The following MRPL49 variants were observed in gnomAD, a reference collection of about 807,000 sequenced individuals.
The protein encoded by MRPL49 is mitochondrial ribosomal protein L49.
A neutral mutation model predicts 18.4 loss-of-function variants in MRPL49; 14 were observed. The ratio of observed to expected loss-of-function variants is 0.76; its 90% CI spans 0.50 to 1.19. The LOEUF (loss-of-function observed/expected upper bound fraction) is 1.19, where lower values mean the gene tolerates loss of function less well. Among genes scored for constraint, MRPL49 ranks in the 50% most tolerant of loss-of-function variants. MRPL49 has a pLI of 0.00. For synonymous variants in MRPL49, 104 were observed against 86.2 expected (o/e 1.21, Z -1.14); for missense variants, 190 against 217.8 (o/e 0.87, Z 0.80).
At chr11:65,123,402 A>C (rs970904037) in intron 1 of MRPL49, among the ~76,000 whole-genome samples, 1 of 152,196 alleles carries the variant, frequency 6.6e-6, no homozygotes, top group Admixed American at 6.5e-5. Flanking sequence ...GGTATAGACT[A>C]TGTGCTTATC....
Position 65,126,470 on chromosome 11 carries a change from A to G in MRPL49, c.*598A>G, listed in dbSNP as rs757666700. The G allele has an allele frequency of 1.3e-5, 2 of 154,338 alleles. No homozygotes were observed. Among genetic ancestry groups the G allele is most frequent in the Admixed American group, 1.3e-4 (2 of 15,504 alleles). 9.6% of individuals were successfully genotyped at this position (154,338 alleles called of 1,614,324 possible). ...GTTTTGTTTTTCTTTCCTTGGGCTC[A>G]GCAATTCAAATTCTAGTTGTTATTT... On this transcript the variant is annotated 3_prime_UTR_variant, in exon 4 of 4. Transcript: ENST00000279242.
chr11:65,123,237 A>G (rs1026377067), intron 1 of MRPL49, among the ~76,000 whole-genome samples: 1 of 152,212 alleles, frequency 6.6e-6, no homozygotes, highest in African/African-American at 2.4e-5. Context: ...ACTCTTTTGC[A>G]TCCCACAGAA....
chr11:65,125,411 A>G, intron 2 of MRPL49, 77 bp from the exon 3 acceptor site: 1 of 1,590,090 alleles, frequency 6.3e-7, no homozygotes. Context: ...CCCTCTGCAG[A>G]CTGAGAGCAA....
intron 1 of MRPL49, among the ~76,000 whole-genome samples, chr11:65,123,665 C>T (rs926758290): frequency 6.8e-6 from 1 of 147,680 alleles, no homozygotes; most frequent in Admixed American, 6.7e-5. Context: ...ACTTGGGAGG[C>T]GGAGGTTGCA....
intron 1 of MRPL49, among the ~76,000 whole-genome samples, chr11:65,124,298 C>T (rs1426397944): frequency 1.3e-5 from 2 of 152,174 alleles, no homozygotes; most frequent in South Asian, 2.1e-4. Flanking sequence ...ACTCTCTCTT[C>T]GTGGCCCTCC....
Position 65,124,780 on chromosome 11 carries a change from T to A in MRPL49, c.229+128T>A, listed in dbSNP as rs1426320477. On this transcript the variant is annotated intron_variant, in intron 2 of 3. Transcript: ENST00000279242. ...GGACTCATTTTGCAATCCCTCTGGG[T>A]TACATCTGTCTCATGCCCAAGGAAG... 6 of 1,047,724 alleles carry A rather than the reference T, an allele frequency of 5.7e-6. No individual in the cohort carries two copies. In the African/African-American group the frequency reaches 8.0e-5, roughly 14 times the overall value. The allele number at this position is 1,047,724 out of a possible 1,614,324, so 64.9% of individuals were successfully genotyped here. A position where few individuals can be genotyped will look rare whatever the true frequency, so the allele number is the denominator to read the frequency against.
In MRPL49 at chr11:65,126,062, A is replaced by C. The variant is rs1436306218; in HGVS notation, c.*190A>C. 1.7e-6 allele frequency: 1 copy of C among 586,312 alleles called. No individual in the cohort carries two copies. The highest frequency in any genetic ancestry group is 2.9e-6 in the Non-Finnish European group (1 of 350,838). The allele number at this position is 586,312 out of a possible 1,614,324, so 36.3% of individuals were successfully genotyped here. A position where few individuals can be genotyped will look rare whatever the true frequency, so the allele number is the denominator to read the frequency against. The stretch of plus-strand genomic sequence containing the variant: ...ATGTACATGCTGGGGGAGAGTGCCT[A>C]ATGTGGGAGACCAAATAGGGATCAC... On this transcript the variant is annotated 3_prime_UTR_variant, in exon 4 of 4. Coordinates refer to ENST00000279242, the MANE Select transcript of MRPL49 (RefSeq NM_004927.4).
In MRPL49 at chr11:65,124,565, G is replaced by A. The variant is rs758485139; in HGVS notation, c.142G>A (p.Val48Met). 1.2e-5 allele frequency: 19 copies of A among 1,614,196 alleles called. No individual in the cohort carries two copies. Among genetic ancestry groups the A allele is most frequent in the Non-Finnish European group, 1.4e-5 (16 of 1,180,040 alleles). Residue 48 changes from valine (V) to methionine (M), a missense_variant, in exon 2 of 4, where the codon GTG (valine) becomes ATG (methionine). Physicochemically the swap from Val to Met is conservative, Grantham distance 21. Transcript: ENST00000279242. ...GGAGTCTGTGGATGAATATCAGTTT[G>A]TGGAGCGCCTGTTACCGGCTACCAG... is the stretch of plus-strand genomic sequence containing the variant. ...FVESVDEYQF[V>M]ERLLPATRIP...
At chr11:65,124,788 G>A in intron 2 of MRPL49, 136 bp downstream of exon 2, 2 of 944,594 alleles carry the variant, frequency 2.1e-6, no homozygotes, top group Admixed American at 3.1e-5. Context: ...GGTTACATCT[G>A]TCTCATGCCC....
At chr11:65,122,577 C>T in intron 1 of MRPL49, 153 bp downstream of exon 1, 1 of 677,988 alleles carries the variant, frequency 1.5e-6, no homozygotes, top group Admixed American at 2.7e-5. Context: ...CATATAGAAT[C>T]GAGAGGGAAA....
Position 65,126,939 on chromosome 11 carries a change from A to G in MRPL49, c.*1067A>G. 2 of 661,456 alleles carry G rather than the reference A, an allele frequency of 3.0e-6. No individual in the cohort carries two copies. The highest frequency in any genetic ancestry group is 5.5e-6 in the Non-Finnish European group (2 of 360,850). 41.0% of individuals were successfully genotyped at this position (661,456 alleles called of 1,614,324 possible). On this transcript the variant is annotated 3_prime_UTR_variant, in exon 4 of 4. Transcript: ENST00000279242. ...CCTTTCACCCTGCCATCCCATCCCAACCCCAGCTCACTAGCCTTCATATAT... is the reference window on the plus strand; with the variant it reads ...CCTTTCACCCTGCCATCCCATCCCAGCCCCAGCTCACTAGCCTTCATATAT...
At chr11:65,124,369 T>A in intron 1 of MRPL49, 133 bp from the exon 2 acceptor site, 1 of 909,428 alleles carries the variant, frequency 1.1e-6, no homozygotes, top group Non-Finnish European at 1.7e-6. Flanking sequence ...TTCTGATAGC[T>A]TTCACACCGT....
At chr11:65,124,021 G>A (rs981708615) in intron 1 of MRPL49, among the ~76,000 whole-genome samples, 1 of 152,100 alleles carries the variant, frequency 6.6e-6, no homozygotes, top group Non-Finnish European at 1.5e-5. Context: ...CCAAGTAGCT[G>A]GGATTACAGG....
intron 2 of MRPL49, 46 bp downstream of exon 2, chr11:65,124,698 A>T (rs1191068913): frequency 1.3e-5 from 21 of 1,597,530 alleles, no homozygotes; most frequent in Non-Finnish European, 1.8e-5. Context: ...ACGGAGCATC[A>T]CCTCCTCCCC....
intron 1 of MRPL49, among the ~76,000 whole-genome samples, chr11:65,123,108 T>A (rs1477577002): frequency 1.3e-5 from 2 of 152,174 alleles, no homozygotes; most frequent in African/African-American, 4.8e-5. Context: ...AGCCAGGCAA[T>A]CATGGAGGTA....
Position 65,125,996 on chromosome 11 carries a change from T to G in MRPL49, c.*124T>G. Reference sequence around the variant, plus strand: ...ATACAGAAACTAGGGCTAAAGGACTTTGGGGTCAGGCCTTGCTTGCATAAA... The same window carrying G: ...ATACAGAAACTAGGGCTAAAGGACTGTGGGGTCAGGCCTTGCTTGCATAAA... On this transcript the variant is annotated 3_prime_UTR_variant, in exon 4 of 4. Coordinates refer to ENST00000279242, the MANE Select transcript of MRPL49 (RefSeq NM_004927.4). 1.7e-6 allele frequency: 2 copies of G among 1,209,618 alleles called. No individual in the cohort carries two copies. 74.9% of individuals were successfully genotyped at this position (1,209,618 alleles called of 1,614,324 possible).
At position 65,125,710 on chromosome 11, in the gene MRPL49, T is replaced by C; in HGVS notation, c.355-16T>C. On this transcript the variant is annotated splice_polypyrimidine_tract_variant and intron_variant, in intron 3 of 3. Coordinates refer to ENST00000279242, the MANE Select transcript of MRPL49 (RefSeq NM_004927.4). ...AAGGGACTCTTGGCCTGACCTGATT[T>C]GTCATCTTTCCCCAGGCCCTGCAGA... is the stretch of plus-strand genomic sequence containing the variant. 1.2e-6 allele frequency: 2 copies of C among 1,613,496 alleles called. No individual in the cohort carries two copies. The highest frequency in any genetic ancestry group is 2.2e-5 in the South Asian group (2 of 91,050).
Position 65,126,654 on chromosome 11 carries a change from G to A in MRPL49, c.*782G>A. 4.0e-6 allele frequency: 1 copy of A among 251,564 alleles called. No homozygotes were observed. Among genetic ancestry groups the A allele is most frequent in the Non-Finnish European group, 7.6e-6 (1 of 130,786 alleles). 15.6% of individuals were successfully genotyped at this position (251,564 alleles called of 1,614,324 possible). On this transcript the variant is annotated 3_prime_UTR_variant, in exon 4 of 4. Transcript: ENST00000279242. ...TTTGGTGCAGGTGATGGAGAACACA[G>A]ATGACTCGGGCATGGGTCTTGGAGA... is the stretch of plus-strand genomic sequence containing the variant.
At chr11:65,122,187 C>G (rs1222573948), upstream of MRPL49, 2 of 694,072 alleles carry the variant, frequency 2.9e-6, no homozygotes, top group Admixed American at 5.1e-5. Context: ...CACGTCACTG[C>G]TGAGCGACCG....
Sources: gnomAD v4.1 joint callset for allele counts (sites outside exome capture counted in the v4.1 genomes callset) on GRCh38, gnomAD v4.1.1 for gene constraint, MANE v1.5 for transcripts, NCBI Gene and HGNC (gene_info 2026-07-23, HGNC 2026-07-21) for gene names.